ERI3: variants seen among roughly 807,000 people sequenced by gnomAD.
ERI3 encodes ERI1 exoribonuclease 3.
ERI3 carries 18 observed loss-of-function variants against 44.4 expected under a neutral mutation model. That is an observed-to-expected ratio of 0.41 (90% CI 0.28 to 0.60). ERI3 has a LOEUF of 0.60. ERI3 is among the 20% of genes least tolerant of loss of function. ERI3 has a pLI of 0.36. For synonymous variants in ERI3, 183 were observed against 164.8 expected (o/e 1.11, Z -0.84); for missense variants, 294 against 435.5 (o/e 0.68, Z 2.89).
At chr1:44,296,981 G>A (rs1188146960) in intron 6 of ERI3, among the ~76,000 whole-genome samples, 3 of 152,224 alleles carry the variant, frequency 2.0e-5, no homozygotes, top group Admixed American at 1.3e-4. Flanking sequence ...AAGACAGAGA[G>A]CTGTTTGCAG....
chr1:44,323,729 G>A (rs549338907), intron 3 of ERI3, among the ~76,000 whole-genome samples: 1 of 152,308 alleles, frequency 6.6e-6, no homozygotes, highest in Non-Finnish European at 1.5e-5. Context: ...TCATGAGGTG[G>A]GAATCATAGT....
Position 44,221,496 on chromosome 1 carries a change from G to A in ERI3, c.*62C>T, listed in dbSNP as rs760577497. ...CTCCCTCTTCCCCTCTGGTGAGGGA[G>A]AGGAGGATTCTGGGCTGGGCCAAAC... On this transcript the variant is annotated 3_prime_UTR_variant, in exon 9 of 9. Coordinates refer to ENST00000372257, the MANE Select transcript of ERI3 (RefSeq NM_024066.3). The surrounding 1 kb of genome is among the most constrained non-coding windows in gnomAD (Gnocchi z 5.9). 236 of 1,331,396 alleles carry A rather than the reference G, an allele frequency of 1.8e-4. No homozygotes were observed. Among genetic ancestry groups the A allele is most frequent in the Non-Finnish European group, 3.5e-5 (32 of 924,494 alleles). The allele number at this position is 1,331,396 out of a possible 1,614,324, so 82.5% of individuals were successfully genotyped here.
chr1:44,262,329 G>A (rs10489168), intron 7 of ERI3, among the ~76,000 whole-genome samples: 7,173 of 152,242 alleles, frequency 0.047, 189 homozygotes, highest in African/African-American at 0.065. Flanking sequence ...CTGAGCTCTC[G>A]CAGGAGAATT....
intron 6 of ERI3, among the ~76,000 whole-genome samples, chr1:44,289,705 G>A (rs866489108): frequency 5.3e-5 from 8 of 152,362 alleles, no homozygotes; most frequent in African/African-American, 1.9e-4. Context: ...CAGCCCTGAT[G>A]GCAAACAGGT....
intron 8 of ERI3, among the ~76,000 whole-genome samples, chr1:44,227,643 CTG>C (rs1256765474): frequency 1.3e-5 from 2 of 152,176 alleles, no homozygotes; most frequent in African/African-American, 4.8e-5. Flanking sequence ...TCTGGCAACT[CTG>C]TGATGGGGAC....
intron 7 of ERI3, among the ~76,000 whole-genome samples, chr1:44,248,857 C>G (rs1452273840): frequency 6.6e-6 from 1 of 152,042 alleles, no homozygotes; most frequent in Non-Finnish European, 1.5e-5. Context: ...TCGATCTGCT[C>G]AGGCCCCAGC....
chr1:44,315,074 C>A (rs748715999), intron 4 of ERI3, among the ~76,000 whole-genome samples: 4 of 152,246 alleles, frequency 2.6e-5, no homozygotes, highest in Non-Finnish European at 4.4e-5. Context: ...AGGGCTTAGA[C>A]ACATCTTCAG....
intron 4 of ERI3, among the ~76,000 whole-genome samples, chr1:44,313,795 C>T (rs749418176): frequency 2.0e-5 from 3 of 152,066 alleles, no homozygotes; most frequent in Non-Finnish European, 2.9e-5. Flanking sequence ...ACCCTGCATA[C>T]GTGGGCCATC....
At chr1:44,302,319 G>A (rs1040235694) in intron 6 of ERI3, among the ~76,000 whole-genome samples, 3 of 152,220 alleles carry the variant, frequency 2.0e-5, no homozygotes, top group African/African-American at 7.2e-5. Context: ...CCAAGCACTT[G>A]CAATGACAGA....
At chr1:44,281,646 G>A (rs1043117405) in intron 7 of ERI3, among the ~76,000 whole-genome samples, 1 of 145,900 alleles carries the variant, frequency 6.9e-6, no homozygotes, top group Non-Finnish European at 1.5e-5. Flanking sequence ...TATCGATGAA[G>A]AGATATATAT....
At chr1:44,259,855 G>A (rs538839505) in intron 7 of ERI3, among the ~76,000 whole-genome samples, 6 of 151,224 alleles carry the variant, frequency 4.0e-5, no homozygotes, top group South Asian at 2.1e-4. Flanking sequence ...ACTCCAGCCT[G>A]AGTGACAGAG....
At chr1:44,319,101 A>C (rs548942166) in intron 4 of ERI3, among the ~76,000 whole-genome samples, 1 of 152,250 alleles carries the variant, frequency 6.6e-6, no homozygotes, top group African/African-American at 2.4e-5. Context: ...ACCTAGGATA[A>C]GCAGATTTCA....
chr1:44,324,082 A>G (rs1037562927), intron 3 of ERI3, among the ~76,000 whole-genome samples: 2 of 152,238 alleles, frequency 1.3e-5, no homozygotes, highest in Admixed American at 1.3e-4. Context: ...AGATGGCATC[A>G]GGGAAGGCAG....
chr1:44,247,929 A>G lies in ERI3; in HGVS notation c.931+10T>C. Reference sequence around the variant, plus strand: ...ATGGAGCTGCCGGGGGAATATGCGAAGGGACTGACCAATGCCGCTGTGGGG... The same window carrying G: ...ATGGAGCTGCCGGGGGAATATGCGAGGGGACTGACCAATGCCGCTGTGGGG... On this transcript the variant is annotated intron_variant, in intron 8 of 8. Coordinates refer to ENST00000372257, the MANE Select transcript of ERI3 (RefSeq NM_024066.3). 6.2e-7 allele frequency: 1 copy of G among 1,605,950 alleles called. No homozygotes were observed. The highest frequency in any genetic ancestry group is 1.1e-5 in the South Asian group (1 of 89,796).
At chr1:44,281,723 G>C (rs1645291294) in intron 7 of ERI3, among the ~76,000 whole-genome samples, 2 of 151,120 alleles carry the variant, frequency 1.3e-5, no homozygotes, top group African/African-American at 4.9e-5. Flanking sequence ...CTTCATGTCT[G>C]GGTATGCCTG....
chr1:44,262,585 C>T (rs1557798365), intron 7 of ERI3, among the ~76,000 whole-genome samples: 1 of 152,234 alleles, frequency 6.6e-6, no homozygotes, highest in Admixed American at 6.5e-5. Context: ...GCCAAGACTA[C>T]CCTATCCCTT....
At chr1:44,350,715 T>C (rs534802834) in intron 2 of ERI3, among the ~76,000 whole-genome samples, 138 of 152,370 alleles carry the variant, frequency 9.1e-4, no homozygotes, top group Non-Finnish European at 1.6e-3. Flanking sequence ...GATTCAGTTA[T>C]ACTCTTTTTT....
intron 8 of ERI3, among the ~76,000 whole-genome samples, chr1:44,226,613 A>T (rs112744380): frequency 2.1e-4 from 32 of 152,192 alleles, no homozygotes; most frequent in African/African-American, 7.5e-4. Context: ...AGGACAGCAC[A>T]GGGGGAGCAT....
At chr1:44,303,536 A>G (rs1206290434) in intron 6 of ERI3, among the ~76,000 whole-genome samples, 1 of 152,216 alleles carries the variant, frequency 6.6e-6, no homozygotes, top group African/African-American at 2.4e-5. Context: ...CGAGAGAAAG[A>G]CAAGTAGAGG....
Sources: allele counts gnomAD v4.1 joint callset (sites outside exome capture counted in the v4.1 genomes callset), GRCh38; gene constraint gnomAD v4.1.1; non-coding constraint Gnocchi (gnomAD v3.1); transcripts MANE v1.5; gene names NCBI Gene and HGNC (gene_info 2026-07-23, HGNC 2026-07-21).